Variants in IL1RAP observed in about 807,000 individuals in gnomAD.
The protein encoded by IL1RAP is interleukin-1 receptor accessory protein.
Under a neutral mutation model 60.7 loss-of-function variants are expected in IL1RAP, and 35 were observed. The observed-to-expected ratio is 0.58, with a 90% CI of 0.44 to 0.76. The LOEUF (loss-of-function observed/expected upper bound fraction) is 0.76. Among genes scored for constraint, IL1RAP ranks in the 30% least tolerant of loss-of-function variants. The probability of loss-of-function intolerance (pLI) is 0.00; values close to 1 mark genes in which losing one functional copy is unlikely to be tolerated. For missense variants in IL1RAP, 572 were observed against 693.9 expected (o/e 0.82, Z 1.97); for synonymous variants, 268 against 250.9 (o/e 1.07, Z -0.64).
At chr3:190,538,771 G>A (rs761574467) in intron 1 of IL1RAP, among the ~76,000 whole-genome samples, 3 of 151,996 alleles carry the variant, frequency 2.0e-5, no homozygotes, top group Non-Finnish European at 4.4e-5. Flanking sequence ...GCAGGTAATT[G>A]AATCATGGGG....
chr3:190,552,087 G>T (rs1179978682), intron 1 of IL1RAP, among the ~76,000 whole-genome samples: 4 of 152,146 alleles, frequency 2.6e-5, no homozygotes, highest in Admixed American at 1.3e-4. Context: ...AAAAAGCCAG[G>T]TGTCAGGAAA....
intron 9 of IL1RAP, chr3:190,629,905 A>G (rs867777998): frequency 3.1e-6 from 3 of 964,430 alleles, no homozygotes; most frequent in Middle Eastern, 5.3e-4. Flanking sequence ...GAGTCATAAA[A>G]AAGATTGCAT....
At chr3:190,641,496 A>G (rs62286261) in intron 9 of IL1RAP, among the ~76,000 whole-genome samples, 27,792 of 152,180 alleles carry the variant, frequency 0.18, 2,937 homozygotes, top group African/African-American at 0.28. Flanking sequence ...AGTAGCATTA[A>G]TGACTCCTTT....
intron 1 of IL1RAP, among the ~76,000 whole-genome samples, chr3:190,542,267 A>T (rs184890818): frequency 1.7e-4 from 26 of 152,282 alleles, no homozygotes; most frequent in Admixed American, 1.3e-3. Context: ...AAGGAGAATG[A>T]TGTGAAAGAA....
intron 1 of IL1RAP, among the ~76,000 whole-genome samples, chr3:190,519,690 G>C (rs538103633): frequency 9.2e-5 from 14 of 151,986 alleles, no homozygotes; most frequent in African/African-American, 3.4e-4. Flanking sequence ...ATCCTTTCTT[G>C]ATTCTCTCCA....
intron 1 of IL1RAP, among the ~76,000 whole-genome samples, chr3:190,543,129 C>T (rs2108568259): frequency 1.3e-5 from 2 of 152,102 alleles, no homozygotes; most frequent in South Asian, 4.1e-4. Flanking sequence ...ATAACCAAGG[C>T]TTACACTGAC....
chr3:190,573,701 A>G (rs985971670), intron 3 of IL1RAP, among the ~76,000 whole-genome samples: 1 of 152,210 alleles, frequency 6.6e-6, no homozygotes, highest in African/African-American at 2.4e-5. Context: ...CTACAATAAT[A>G]GCCATGAAGC....
At chr3:190,605,276 T>C (rs1730209050) in intron 4 of IL1RAP, among the ~76,000 whole-genome samples, 1 of 146,144 alleles carries the variant, frequency 6.8e-6, no homozygotes, top group Non-Finnish European at 1.5e-5. Context: ...TTGTAGATTT[T>C]ATATTTTACT....
intron 1 of IL1RAP, among the ~76,000 whole-genome samples, chr3:190,534,978 C>A (rs1038459367): frequency 6.6e-6 from 1 of 150,952 alleles, no homozygotes; most frequent in East Asian, 2.0e-4. Flanking sequence ...AAATGAGAGT[C>A]CTCTGTTTAA....
intron 5 of IL1RAP, among the ~76,000 whole-genome samples, chr3:190,609,525 C>T (rs150386518): frequency 2.3e-4 from 35 of 152,264 alleles, no homozygotes; most frequent in African/African-American, 3.6e-4. Flanking sequence ...TGGTGAATTT[C>T]AATTCCTTGA....
chr3:190,517,493 C>A (rs1721631091), intron 1 of IL1RAP, among the ~76,000 whole-genome samples: 1 of 152,172 alleles, frequency 6.6e-6, no homozygotes. Context: ...GATTACTTGT[C>A]TGGAGTTTCA....
chr3:190,569,819 T>G (rs949659079), intron 3 of IL1RAP, among the ~76,000 whole-genome samples: 2 of 152,252 alleles, frequency 1.3e-5, no homozygotes, highest in African/African-American at 4.8e-5. Flanking sequence ...AGGAAACCAG[T>G]ATTTTTGTAG....
At chr3:190,518,425 A>G (rs961189936) in intron 1 of IL1RAP, 10 of 152,140 alleles carry the variant, frequency 6.6e-5, no homozygotes, top group African/African-American at 2.4e-4. Flanking sequence ...GGTACTCTTT[A>G]CTTGTCTCCA....
downstream of IL1RAP, among the ~76,000 whole-genome samples, chr3:190,655,276 C>T (rs1734576996): frequency 6.6e-6 from 1 of 151,848 alleles, no homozygotes; most frequent in African/African-American, 2.4e-5. Context: ...TGAACATTAT[C>T]CAGAGGAAAA....
chr3:190,601,735 C>A (rs1419124292), intron 3 of IL1RAP, among the ~76,000 whole-genome samples: 1 of 152,098 alleles, frequency 6.6e-6, no homozygotes, highest in Non-Finnish European at 1.5e-5. Context: ...TCTTGTGCGG[C>A]TCAGCTCGTC....
chr3:190,529,796 G>T (rs1722834010), intron 1 of IL1RAP, among the ~76,000 whole-genome samples: 1 of 150,818 alleles, frequency 6.6e-6, no homozygotes, highest in Non-Finnish European at 1.5e-5. Flanking sequence ...GGAGGTTGCA[G>T]TGAGCCGAAG....
chr3:190,561,861 G>A (rs1725913146), intron 2 of IL1RAP, among the ~76,000 whole-genome samples: 1 of 152,158 alleles, frequency 6.6e-6, no homozygotes. Flanking sequence ...ACAGATTCAG[G>A]AGCCAAAATG....
chr3:190,649,780 C>A lies in IL1RAP; in HGVS notation c.*1075C>A. 1.0e-6 allele frequency: 1 copy of A among 985,294 alleles called. No individual in the cohort carries two copies. The allele number at this position is 985,294 out of a possible 1,614,324, so 61.0% of individuals were successfully genotyped here. On this transcript the variant is annotated 3_prime_UTR_variant, in exon 12 of 12. Coordinates refer to ENST00000447382, the MANE Select transcript of IL1RAP (RefSeq NM_002182.4). ...ATTTCCTGTCACCTATTCACTAGTG[C>A]AGGAAATATACTTGCTCCAAATAAG... is the stretch of plus-strand genomic sequence containing the variant.
chr3:190,524,909 T>C (rs1043036657), intron 1 of IL1RAP, among the ~76,000 whole-genome samples: 4 of 152,136 alleles, frequency 2.6e-5, no homozygotes, highest in African/African-American at 9.7e-5. Context: ...CATATACATA[T>C]GTATATATAA....
Sources: allele counts gnomAD v4.1 joint callset (sites outside exome capture counted in the v4.1 genomes callset), GRCh38; gene constraint gnomAD v4.1.1; transcripts MANE v1.5; gene names NCBI Gene and HGNC (gene_info 2026-07-23, HGNC 2026-07-21).